The following FHL2 variants were observed in gnomAD, a reference collection of about 807,000 sequenced individuals.
FHL2 encodes four and a half LIM domains 2.
Under a neutral mutation model 32.7 loss-of-function variants are expected in FHL2, and 20 were observed. The ratio of observed to expected loss-of-function variants is 0.61; its 90% CI spans 0.43 to 0.89. FHL2 has a LOEUF of 0.89. Among genes scored for constraint, FHL2 ranks in the 40% least tolerant of loss-of-function variants. The pLI is 0.00. For synonymous variants in FHL2, 123 were observed against 128.1 expected, an observed-to-expected ratio of 0.96 and a Z score of 0.27; for missense variants, 311 against 358.6, an observed-to-expected ratio of 0.87 and a Z score of 1.07.
At chr2:105,433,182 C>CTTT (rs758782839) in intron 1 of FHL2, among the ~76,000 whole-genome samples, 17 of 102,612 alleles carry the variant, frequency 1.7e-4, no homozygotes, top group African/African-American at 6.0e-4. Context: ...TCTTCTTCTT[C>CTTT]TTTTTTTTTT....
intron 3 of FHL2, among the ~76,000 whole-genome samples, chr2:105,385,471 C>T (rs6737809): frequency 0.1 from 15,764 of 152,190 alleles, 1,115 homozygotes; most frequent in Middle Eastern, 0.18. Context: ...CACAAAGCAA[C>T]GAGAGCAGAA....
At chr2:105,401,144 C>T, upstream of FHL2, among the ~76,000 whole-genome samples, 1 of 149,762 alleles carries the variant, frequency 6.7e-6, no homozygotes, top group Non-Finnish European at 1.5e-5. Context: ...ATGAGACAAC[C>T]TTGGAAAATA....
At chr2:105,358,521 A>G (rs2576776), downstream of FHL2, 64,829 of 152,386 alleles carry the variant, frequency 0.43, 14,657 homozygotes, top group Non-Finnish European at 0.51. Flanking sequence ...TTGGTCCAGA[A>G]TAGAGTTTGT....
At chr2:105,414,403 G>T (rs1178560213) in intron 1 of FHL2, among the ~76,000 whole-genome samples, 3 of 152,156 alleles carry the variant, frequency 2.0e-5, no homozygotes, top group Non-Finnish European at 4.4e-5. Flanking sequence ...GGGGCTGAAA[G>T]TCCCAACCCT....
At chr2:105,417,729 A>ATG (rs1386852198) in intron 1 of FHL2, among the ~76,000 whole-genome samples, 1 of 150,822 alleles carries the variant, frequency 6.6e-6, no homozygotes, top group Non-Finnish European at 1.5e-5. Flanking sequence ...AAAAAAGAGG[A>ATG]TGTGTGTGTT....
chr2:105,386,637 C>G (rs1032624983), intron 2 of FHL2, 97 bp from the exon 3 acceptor site: 7 of 1,012,108 alleles, frequency 6.9e-6, no homozygotes, highest in Non-Finnish European at 8.7e-6. Context: ...CATCTTTAGC[C>G]GAAAGGTGGC....
chr2:105,399,104 T>C, upstream of FHL2: 2 of 1,454,406 alleles, frequency 1.4e-6, no homozygotes, highest in Non-Finnish European at 1.8e-6. Flanking sequence ...CATTTGACCA[T>C]ATAAGGAGAT....
intron 1 of FHL2, among the ~76,000 whole-genome samples, chr2:105,433,629 C>T (rs1441524731): frequency 6.6e-6 from 1 of 152,192 alleles, no homozygotes; most frequent in East Asian, 1.9e-4. Context: ...AGTGCCTCGG[C>T]GTCCTCACCT....
intron 2 of FHL2, among the ~76,000 whole-genome samples, chr2:105,395,292 A>T (rs1378107893): frequency 6.6e-5 from 10 of 152,200 alleles, no homozygotes; most frequent in Non-Finnish European, 1.0e-4. Flanking sequence ...CAGTGTGGGG[A>T]CCAAGGGAGA....
At chr2:105,407,714 A>G (rs1006380199) in intron 1 of FHL2, among the ~76,000 whole-genome samples, 1 of 152,140 alleles carries the variant, frequency 6.6e-6, no homozygotes, top group African/African-American at 2.4e-5. Flanking sequence ...GTGCATGTGG[A>G]CGTTCTTGGG....
upstream of FHL2, chr2:105,399,156 G>C (rs901264601): frequency 4.4e-6 from 6 of 1,364,196 alleles, no homozygotes; most frequent in Admixed American, 4.0e-5. Context: ...GGCGCGGGGG[G>C]CGGGCGCCCC....
intron 3 of FHL2, among the ~76,000 whole-genome samples, chr2:105,382,111 CCA>C (rs1681939567): frequency 1.3e-5 from 2 of 152,216 alleles, no homozygotes; most frequent in Non-Finnish European, 2.9e-5. Flanking sequence ...CTGTCCATTA[CCA>C]AACATTAACT....
intron 1 of FHL2, among the ~76,000 whole-genome samples, chr2:105,424,225 C>G (rs1346892568): frequency 1.3e-5 from 2 of 152,174 alleles, no homozygotes; most frequent in African/African-American, 4.8e-5. Flanking sequence ...AGGATATGAA[C>G]AGACGCTTCT....
At chr2:105,426,873 A>G (rs1480850928) in intron 1 of FHL2, among the ~76,000 whole-genome samples, 1 of 152,176 alleles carries the variant, frequency 6.6e-6, no homozygotes, top group East Asian at 1.9e-4. Flanking sequence ...CTCTACTCAC[A>G]TGGCCCTTAT....
chr2:105,390,558 T>G (rs549919182), intron 2 of FHL2, among the ~76,000 whole-genome samples: 8 of 152,300 alleles, frequency 5.3e-5, no homozygotes, highest in African/African-American at 1.9e-4. Context: ...AGAGAGCATT[T>G]CTACTCCAAC....
At chr2:105,394,702 G>T (rs180977930) in intron 2 of FHL2, among the ~76,000 whole-genome samples, 18 of 152,274 alleles carry the variant, frequency 1.2e-4, no homozygotes, top group Admixed American at 4.6e-4. Flanking sequence ...ATCTTAGTTT[G>T]TAAGGTATAA....
intron 1 of FHL2, among the ~76,000 whole-genome samples, chr2:105,429,086 T>C (rs1053570840): frequency 6.6e-6 from 1 of 152,168 alleles, no homozygotes; most frequent in African/African-American, 2.4e-5. Context: ...GGATGACCTG[T>C]CCTGTTTAAT....
chr2:105,377,261 CT>C (rs1404865466), intron 3 of FHL2, among the ~76,000 whole-genome samples: 1 of 152,202 alleles, frequency 6.6e-6, no homozygotes, highest in Non-Finnish European at 1.5e-5. Flanking sequence ...GCACTTACTA[CT>C]GAACAGTACT....
intron 3 of FHL2, among the ~76,000 whole-genome samples, chr2:105,385,735 AG>A (rs1456111737): frequency 6.6e-6 from 1 of 152,250 alleles, no homozygotes; most frequent in East Asian, 1.9e-4. Context: ...AGCGCAGGTC[AG>A]GGTTCACCAC....
Sources: gnomAD v4.1 joint callset for allele counts (sites outside exome capture counted in the v4.1 genomes callset) on GRCh38, gnomAD v4.1.1 for gene constraint, MANE v1.5 for transcripts, NCBI Gene and HGNC (gene_info 2026-07-23, HGNC 2026-07-21) for gene names.